Variants in KBTBD11 observed in about 807,000 individuals in gnomAD.
KBTBD11 encodes the protein kelch repeat and BTB domain containing 11.
For missense variants in KBTBD11, 1,390 were observed against 1,001.8 expected, an observed-to-expected ratio of 1.39 and a Z score of -5.23; for synonymous variants, 747 against 499.0, an observed-to-expected ratio of 1.50 and a Z score of -6.63.
chr8:1,986,557 T>G (rs951790619), intron 1 of KBTBD11, among the ~76,000 whole-genome samples: 3 of 152,192 alleles, frequency 2.0e-5, no homozygotes, highest in Non-Finnish European at 4.4e-5. Context: ...GAGTTTTTAT[T>G]TAGATTCCCG....
rs73184743 is a variant in KBTBD11, at chr8:1,989,796, G to T, written c.-908-10489G>T. The stretch of plus-strand genomic sequence containing the variant: ...GAGTCGGAAGCAGGCATCCTCATGG[G>T]GTGAGACCACAGGGGCTGGAATCCA... On this transcript the variant is annotated intron_variant, in intron 1 of 1. Coordinates refer to ENST00000320248, the MANE Select transcript of KBTBD11 (RefSeq NM_014867.3). Among the ~76,000 whole-genome samples the T allele has an allele frequency of 2.2e-4, 33 of 152,140 alleles. No individual in the cohort carries two copies. The South Asian group carries it at 6.4e-3, about 30-fold the overall frequency.
rs149678506 is a variant in KBTBD11, at chr8:2,002,578, C to A, written c.1386C>A (p.Ser462=). 1.3e-6 allele frequency: 2 copies of A among 1,582,188 alleles called. No individual in the cohort carries two copies. Among genetic ancestry groups the A allele is most frequent in the South Asian group, 2.3e-5 (2 of 88,602 alleles). ...CCTGCCACGGCGAGATCTACGTGTC[C>A]GGGGGCTCCCTCTTCTATCGCCTGC... ...ATTCHGEIYV[S]GGSLFYRLLK... The change falls in exon 2 of 2, where the codon TCC becomes TCA. Residue 462 remains serine, a synonymous_variant. Coordinates refer to ENST00000320248, the MANE Select transcript of KBTBD11 (RefSeq NM_014867.3). The surrounding 1 kb of genome is among the most constrained non-coding windows in gnomAD (Gnocchi z 4.1).
chr8:2,003,212 A>C lies in KBTBD11; in HGVS notation c.*148A>C. On this transcript the variant is annotated 3_prime_UTR_variant, in exon 2 of 2. Transcript: ENST00000320248. ...TCGAAGGAGCCCCGAGGACGCTCTC[A>C]GGGCCGCTTTCGCTTTGCTTTCCTT... 8.4e-7 allele frequency: 1 copy of C among 1,183,566 alleles called. No homozygotes were observed. Among genetic ancestry groups the C allele is most frequent in the Non-Finnish European group, 1.1e-6 (1 of 932,008 alleles). 73.3% of individuals were successfully genotyped at this position (1,183,566 alleles called of 1,614,324 possible). A position where few individuals can be genotyped will look rare whatever the true frequency, so the allele number is the denominator to read the frequency against.
chr8:1,984,379 C>G (rs1356560125), intron 1 of KBTBD11, among the ~76,000 whole-genome samples: 1 of 148,688 alleles, frequency 6.7e-6, no homozygotes, highest in Admixed American at 6.8e-5. Context: ...AGCTCTGCCT[C>G]CCGGGTTCAC....
Position 2,002,893 on chromosome 8 carries a change from C to T in KBTBD11, c.1701C>T (p.Arg567=). 2 of 1,322,454 alleles carry T rather than the reference C, an allele frequency of 1.5e-6. No individual in the cohort carries two copies. The highest frequency in any genetic ancestry group is 9.6e-7 in the Non-Finnish European group (1 of 1,040,334). The allele number at this position is 1,322,454 out of a possible 1,614,324, so 81.9% of individuals were successfully genotyped here. ...ALDGAIYCVS[R]AGTWRFQPAR... is the part of the protein sequence containing the mutation. The stretch of plus-strand genomic sequence containing the variant: ...ACGGCGCCATCTACTGCGTGAGCCG[C>T]GCGGGCACCTGGCGCTTCCAGCCTG... Residue 567 remains arginine, a synonymous_variant, in exon 2 of 2, where the codon CGC becomes CGT. Transcript: ENST00000320248. The surrounding 1 kb of genome is among the most constrained non-coding windows in gnomAD (Gnocchi z 4.1).
rs565936634 is a variant in KBTBD11 at position 2,002,686 on chromosome 8, C to T, written c.1494C>T (p.Leu498=). ...SRERSADMVA[L]DGFIYRFDLS... Reference sequence around the variant, plus strand: ...AGCGCTCGGCCGACATGGTGGCTCTCGACGGCTTCATCTACCGCTTCGATC... The same window carrying T: ...AGCGCTCGGCCGACATGGTGGCTCTTGACGGCTTCATCTACCGCTTCGATC... The change falls in exon 2 of 2, where the codon CTC becomes CTT. Residue 498 remains leucine (L), a synonymous_variant. Coordinates refer to ENST00000320248, the MANE Select transcript of KBTBD11 (RefSeq NM_014867.3). The surrounding 1 kb of genome is among the most constrained non-coding windows in gnomAD (Gnocchi z 4.1). The T allele has an allele frequency of 7.1e-6, 11 of 1,559,352 alleles. No individual in the cohort carries two copies. The highest frequency in any genetic ancestry group is 4.1e-5 in the African/African-American group (3 of 72,366).
chr8:1,989,057 G>C (rs952971276), intron 1 of KBTBD11, among the ~76,000 whole-genome samples: 1 of 152,164 alleles, frequency 6.6e-6, no homozygotes, highest in South Asian at 2.1e-4. Context: ...ACATTGCTCA[G>C]AGTTGGGTTT....
intron 1 of KBTBD11, among the ~76,000 whole-genome samples, chr8:1,998,987 G>A (rs1817244916): frequency 6.6e-6 from 1 of 152,210 alleles, no homozygotes; most frequent in Non-Finnish European, 1.5e-5. Context: ...GTGAACACAA[G>A]GGACCCTTGT....
chr8:1,974,736 T>G, intron 1 of KBTBD11: 1 of 983,820 alleles, frequency 1.0e-6, no homozygotes, highest in Non-Finnish European at 1.2e-6. Flanking sequence ...GCGGGGCTCA[T>G]TCTGGAGCAT....
Position 2,001,629 on chromosome 8 carries a change from T to G in KBTBD11, c.437T>G (p.Val146Gly). Residue 146 changes from valine to glycine, a missense_variant, in exon 2 of 2, where the codon GTG (valine) becomes GGG (glycine). Val to Gly is a moderately radical substitution (Grantham distance 109). Transcript: ENST00000320248. ...GGGGAGCCGGACCTGGTGCTGGAGG[T>G]GTCGGGGCGCCGGCTGCGCGCGCAC... Reference protein sequence around the residue: ...VYGEPDLVLEVSGRRLRAHKA... With the variant: ...VYGEPDLVLEGSGRRLRAHKA... 1.4e-6 allele frequency: 2 copies of G among 1,478,620 alleles called. No homozygotes were observed. The highest frequency in any genetic ancestry group is 2.5e-5 in the South Asian group (2 of 78,910). 91.6% of individuals were successfully genotyped at this position (1,478,620 alleles called of 1,614,324 possible). A position where few individuals can be genotyped will look rare whatever the true frequency, so the allele number is the denominator to read the frequency against.
chr8:1,991,930 G>A (rs1237061524), intron 1 of KBTBD11, among the ~76,000 whole-genome samples: 4 of 152,114 alleles, frequency 2.6e-5, no homozygotes, highest in Admixed American at 2.6e-4. Flanking sequence ...TGCGTGAAAT[G>A]TGTGCTTATT....
intron 1 of KBTBD11, among the ~76,000 whole-genome samples, 187 bp downstream of exon 1, chr8:1,974,122 GC>G: frequency 2.7e-4 from 1 of 3,752 alleles, no homozygotes; most frequent in Non-Finnish European, 4.9e-4. Flanking sequence ...AGGGAGGGGA[GC>G]GGAGCGGAGG....
At chr8:1,982,246 A>G (rs1188656707) in intron 1 of KBTBD11, among the ~76,000 whole-genome samples, 1 of 152,230 alleles carries the variant, frequency 6.6e-6, no homozygotes, top group Non-Finnish European at 1.5e-5. Flanking sequence ...GCAAAAACCT[A>G]CAGTAGGTAC....
intron 1 of KBTBD11, among the ~76,000 whole-genome samples, chr8:1,994,347 A>G (rs754052579): frequency 4.6e-5 from 7 of 152,212 alleles, no homozygotes; most frequent in Non-Finnish European, 7.3e-5. Flanking sequence ...GATTCTGTCT[A>G]CAGGATGCAG....
rs1817365039 is a variant in KBTBD11, at chr8:2,001,654, C to T, written c.462C>T (p.His154=). Residue 154 remains histidine (H), a synonymous_variant, in exon 2 of 2, where the codon CAC becomes CAT. Coordinates refer to ENST00000320248, the MANE Select transcript of KBTBD11 (RefSeq NM_014867.3). ...LEVSGRRLRA[H]KAVLAARSDY... Reference sequence around the variant, plus strand: ...TGTCGGGGCGCCGGCTGCGCGCGCACAAGGCGGTGCTGGCGGCGCGCAGCG... The same window carrying T: ...TGTCGGGGCGCCGGCTGCGCGCGCATAAGGCGGTGCTGGCGGCGCGCAGCG... The T allele has an allele frequency of 2.0e-6, 3 of 1,473,806 alleles. No individual in the cohort carries two copies. The highest frequency in any genetic ancestry group is 2.9e-5 in the African/African-American group (2 of 68,054). 91.3% of individuals were successfully genotyped at this position (1,473,806 alleles called of 1,614,324 possible). A position where few individuals can be genotyped will look rare whatever the true frequency, so the allele number is the denominator to read the frequency against.
At position 2,001,687 on chromosome 8, in the gene KBTBD11, C is replaced by T. The variant is rs1201906553; in HGVS notation, c.495C>T (p.Phe165=). 1 of 1,440,926 alleles carries T rather than the reference C, an allele frequency of 6.9e-7. No individual in the cohort carries two copies. Among genetic ancestry groups the T allele is most frequent in the Non-Finnish European group, 9.1e-7 (1 of 1,102,296 alleles). 89.3% of individuals were successfully genotyped at this position (1,440,926 alleles called of 1,614,324 possible). The change falls in exon 2 of 2, where the codon TTC becomes TTT. Residue 165 remains phenylalanine (F), a synonymous_variant. Transcript: ENST00000320248. The part of the protein sequence containing the change: ...KAVLAARSDY[F]RARASRDVLR... ...TGCTGGCGGCGCGCAGCGACTACTT[C>T]CGCGCGCGCGCGTCGCGGGACGTGC...
rs1278229016 is a variant in KBTBD11 at position 2,006,407 on chromosome 8, T to C, written c.*3343T>C. On this transcript the variant is annotated 3_prime_UTR_variant, in exon 2 of 2. Coordinates refer to ENST00000320248, the MANE Select transcript of KBTBD11 (RefSeq NM_014867.3). ...TGTTAATTTTAGATGCTTTCCTAGC[T>C]TACAAAAAGTTCTGTTTTTGGGTTA... 2 of 167,014 alleles carry C rather than the reference T, an allele frequency of 1.2e-5. No individual in the cohort carries two copies. 10.3% of individuals were successfully genotyped at this position (167,014 alleles called of 1,614,324 possible). A position where few individuals can be genotyped will look rare whatever the true frequency, so the allele number is the denominator to read the frequency against.
At chr8:1,979,619 A>G (rs1325441688) in intron 1 of KBTBD11, among the ~76,000 whole-genome samples, 1 of 152,162 alleles carries the variant, frequency 6.6e-6, no homozygotes, top group African/African-American at 2.4e-5. Context: ...ACAGAGTGAG[A>G]CTCTGTCTCA....
chr8:1,974,244 C>A (rs1232123853), intron 1 of KBTBD11: 2 of 956,118 alleles, frequency 2.1e-6, no homozygotes, highest in Non-Finnish European at 2.5e-6. Flanking sequence ...GGCGTGGGGG[C>A]CTCCTCGCGG....
Sources: gnomAD v4.1 joint callset for allele counts (sites outside exome capture counted in the v4.1 genomes callset) on GRCh38, gnomAD v4.1.1 for gene constraint, Gnocchi (gnomAD v3.1) non-coding constraint, MANE v1.5 for transcripts, NCBI Gene and HGNC (gene_info 2026-07-23, HGNC 2026-07-21) for gene names.